GTPBP1: variants seen among roughly 807,000 people sequenced by gnomAD.
GTPBP1 encodes GTP binding protein 1.
A neutral mutation model predicts 62.0 loss-of-function variants in GTPBP1; 23 were observed. The observed-to-expected ratio is 0.37, with a 90% CI of 0.27 to 0.53. The LOEUF is 0.53. Among genes scored for constraint, GTPBP1 ranks in the 20% least tolerant of loss-of-function variants. GTPBP1 has a pLI of 0.89. For missense variants in GTPBP1, 640 were observed against 917.3 expected, an observed-to-expected ratio of 0.70 and a Z score of 3.90; for synonymous variants, 344 against 364.4, an observed-to-expected ratio of 0.94 and a Z score of 0.64.
chr22:38,727,106 G>T lies in GTPBP1; in HGVS notation c.1402-107G>T. The stretch of plus-strand genomic sequence containing the variant: ...GTCCAGTTGGTGAGGAAACCAGGCA[G>T]AGTTGGGGTGGTCCCTATCCCTAGA... On this transcript the variant is annotated intron_variant, in intron 8 of 11. Transcript: ENST00000216044. This position sits in a 1 kb window ranked among gnomAD's most constrained non-coding sequence, Gnocchi z 6.5. The T allele has an allele frequency of 9.0e-7, 1 of 1,114,676 alleles. No individual in the cohort carries two copies. Among genetic ancestry groups the T allele is most frequent in the Non-Finnish European group, 1.3e-6 (1 of 798,040 alleles). The allele number at this position is 1,114,676 out of a possible 1,614,324, so 69.0% of individuals were successfully genotyped here.
chr22:38,723,374 AAT>A, intron 5 of GTPBP1: 1 of 859,296 alleles, frequency 1.2e-6, no homozygotes, highest in South Asian at 1.4e-5. Flanking sequence ...ACCAGACCAT[AAT>A]ATGTTTGTCA....
chr22:38,736,098 G>C (rs765469369), downstream of GTPBP1: 3 of 706,996 alleles, frequency 4.2e-6, no homozygotes, highest in Non-Finnish European at 7.7e-6. Context: ...TAACCGCCTC[G>C]AGCCACCTGC....
intron 11 of GTPBP1, 98 bp downstream of exon 11, chr22:38,729,760 C>A: frequency 3.5e-6 from 3 of 861,528 alleles, no homozygotes; most frequent in Non-Finnish European, 3.3e-6. Context: ...TCAAACCTGG[C>A]TAGAGGGTCT....
chr22:38,738,128 A>G (rs370586909), downstream of GTPBP1: 1 of 1,572,694 alleles, frequency 6.4e-7, no homozygotes, highest in Non-Finnish European at 8.8e-7. This position sits in a 1 kb window ranked among gnomAD's most constrained non-coding sequence, Gnocchi z 6.6. Flanking sequence ...TGCTGCCTGG[A>G]TGGGGAGTCT....
chr22:38,723,960 T>C (rs1375406531), intron 5 of GTPBP1, among the ~76,000 whole-genome samples: 6 of 152,296 alleles, frequency 3.9e-5, no homozygotes, highest in African/African-American at 1.4e-4. Flanking sequence ...CAGGAAGTAG[T>C]GCATTCTGAG....
downstream of GTPBP1, chr22:38,742,311 G>C: frequency 3.7e-6 from 6 of 1,602,564 alleles, no homozygotes; most frequent in Non-Finnish European, 5.1e-6. Flanking sequence ...CTGGATGCGA[G>C]CAGCAGTTTC....
At position 38,727,972 on chromosome 22, in the gene GTPBP1, T is replaced by C. The variant is rs1406213192; in HGVS notation, c.1538-11T>C. 1 of 1,612,834 alleles carries C rather than the reference T, an allele frequency of 6.2e-7. No individual in the cohort carries two copies. The highest frequency in any genetic ancestry group is 8.5e-7 in the Non-Finnish European group (1 of 1,178,978). ...GCTCCAGCCTATCCTGACCTCTGGCTTCCTTGACAGTGCACTGTGGGAGCA... is the reference window on the plus strand; with the variant it reads ...GCTCCAGCCTATCCTGACCTCTGGCCTCCTTGACAGTGCACTGTGGGAGCA... On this transcript the variant is annotated splice_polypyrimidine_tract_variant and intron_variant, in intron 9 of 11. Transcript: ENST00000216044. This position sits in a 1 kb window ranked among gnomAD's most constrained non-coding sequence, Gnocchi z 6.5.
chr22:38,706,187 G>T, intron 1 of GTPBP1, 40 bp downstream of exon 1: 1 of 1,194,186 alleles, frequency 8.4e-7, no homozygotes, highest in Non-Finnish European at 1.0e-6. Flanking sequence ...AGGGGAGCGG[G>T]CGGCTGGCCG....
downstream of GTPBP1, chr22:38,736,181 AGAGCGCC>A (rs755161148): frequency 2.3e-6 from 3 of 1,289,200 alleles, no homozygotes; most frequent in African/African-American, 4.4e-5. Context: ...CCTAGAAGTC[AGAGCGCC>A]GAGCAAGCGT....
chr22:38,726,365 C>G lies in GTPBP1; in HGVS notation c.1326C>G (p.Val442=). 6.2e-7 allele frequency: 1 copy of G among 1,614,038 alleles called. No homozygotes were observed. The highest frequency in any genetic ancestry group is 8.5e-7 in the Non-Finnish European group (1 of 1,179,968). Residue 442 remains valine, a synonymous_variant, in exon 8 of 12, where the codon GTC becomes GTG. Transcript: ENST00000216044. The surrounding 1 kb of genome is among the most constrained non-coding windows in gnomAD (Gnocchi z 4.1). ...DPLGNFLSIA[V]KSIHRKRMPV... Reference sequence around the variant, plus strand: ...TGGGTAACTTCCTGTCCATTGCTGTCAAATCCATCCATCGCAAGCGCATGC... The same window carrying G: ...TGGGTAACTTCCTGTCCATTGCTGTGAAATCCATCCATCGCAAGCGCATGC...
chr22:38,721,556 C>G (rs2092700825), intron 4 of GTPBP1, among the ~76,000 whole-genome samples, 186 bp from the exon 5 acceptor site: 1 of 152,170 alleles, frequency 6.6e-6, no homozygotes, highest in African/African-American at 2.4e-5. Flanking sequence ...GTTTCCCTGA[C>G]TGGGTTTATC....
chr22:38,708,565 C>T lies in GTPBP1; in HGVS notation c.193-280C>T, dbSNP rs539232343. On this transcript the variant is annotated intron_variant, in intron 1 of 11. Transcript: ENST00000216044. ...CATATTCTCAGTCACTTGGGTCCTGCCCTTCCTGTTAAGCAGCAGGAGGCA... is the reference window on the plus strand; with the variant it reads ...CATATTCTCAGTCACTTGGGTCCTGTCCTTCCTGTTAAGCAGCAGGAGGCA... Among the ~76,000 whole-genome samples, 20 of 152,306 alleles carry T rather than the reference C, an allele frequency of 1.3e-4. 1 individual carries two copies. In the South Asian group the frequency reaches 3.9e-3, roughly 30 times the overall value.
chr22:38,720,114 G>T (rs904580852), intron 4 of GTPBP1, among the ~76,000 whole-genome samples: 13 of 151,896 alleles, frequency 8.6e-5, no homozygotes, highest in African/African-American at 2.7e-4. Flanking sequence ...ATTTTTAGTA[G>T]AGACAGGGTT....
At chr22:38,714,145 C>T (rs2092655541) in intron 2 of GTPBP1, among the ~76,000 whole-genome samples, 1 of 152,188 alleles carries the variant, frequency 6.6e-6, no homozygotes, top group Admixed American at 6.5e-5. Context: ...GTATCGAATG[C>T]TGTAGGAGTC....
intron 2 of GTPBP1, 62 bp from the exon 3 acceptor site, chr22:38,715,845 T>C (rs2092666836): frequency 1.4e-6 from 2 of 1,422,174 alleles, no homozygotes; most frequent in African/African-American, 2.9e-5. Context: ...CCTGGCTGGC[T>C]GGTTGGCAGG....
At chr22:38,708,750 T>C (rs1233025178) in intron 1 of GTPBP1, 95 bp from the exon 2 acceptor site, 2 of 744,300 alleles carry the variant, frequency 2.7e-6, no homozygotes, top group African/African-American at 3.5e-5. Context: ...TGCTATGGGG[T>C]TCAGTCAGGA....
rs769599506 is a variant in GTPBP1 at position 38,721,734 on chromosome 22, T to C, written c.835-8T>C. On this transcript the variant is annotated splice_polypyrimidine_tract_variant and splice_region_variant and intron_variant, in intron 4 of 11. Coordinates refer to ENST00000216044, the MANE Select transcript of GTPBP1 (RefSeq NM_004286.5). ...TCGTCCTGACACTTCCTTTCTGTGTTGGGGCAGGTGGGCAGCAATGCTGGC... is the reference window on the plus strand; with the variant it reads ...TCGTCCTGACACTTCCTTTCTGTGTCGGGGCAGGTGGGCAGCAATGCTGGC... 5 of 1,609,584 alleles carry C rather than the reference T, an allele frequency of 3.1e-6. No homozygotes were observed. The highest frequency in any genetic ancestry group is 3.4e-6 in the Non-Finnish European group (4 of 1,176,610).
intron 2 of GTPBP1, among the ~76,000 whole-genome samples, chr22:38,713,223 T>C (rs539555987): frequency 1.1e-3 from 162 of 152,194 alleles, no homozygotes; most frequent in African/African-American, 3.8e-3. Context: ...GTGTGTGTGA[T>C]GGGGCCACTT....
chr22:38,741,255 C>T, downstream of GTPBP1, among the ~76,000 whole-genome samples: 1 of 152,110 alleles, frequency 6.6e-6, no homozygotes, highest in South Asian at 2.1e-4. Context: ...ATCTGTTCAC[C>T]CACACTCAGC....
Sources: allele counts gnomAD v4.1 joint callset (sites outside exome capture counted in the v4.1 genomes callset), GRCh38; gene constraint gnomAD v4.1.1; non-coding constraint Gnocchi (gnomAD v3.1); transcripts MANE v1.5; gene names NCBI Gene and HGNC (gene_info 2026-07-23, HGNC 2026-07-21).